STARD3: variants seen among roughly 807,000 people sequenced by gnomAD.
STARD3 encodes StAR related lipid transfer domain containing 3.
In STARD3, 39 loss-of-function variants were observed where a neutral mutation model predicts 62.0. The observed-to-expected ratio is 0.63, with a 90% CI of 0.49 to 0.82. The LOEUF is 0.82. Among genes scored for constraint, STARD3 ranks in the 40% least tolerant of loss-of-function variants. STARD3 has a pLI of 0.00. For missense variants in STARD3, 543 were observed against 584.5 expected, an observed-to-expected ratio of 0.93 and a Z score of 0.73; for synonymous variants, 229 against 242.4, an observed-to-expected ratio of 0.94 and a Z score of 0.51.
chr17:39,637,934 C>T (rs1392119997), intron 1 of STARD3, among the ~76,000 whole-genome samples: 2 of 152,200 alleles, frequency 1.3e-5, no homozygotes, highest in Non-Finnish European at 2.9e-5. Flanking sequence ...TACCCAGATC[C>T]ACATCTTCAG....
intron 3 of STARD3, 100 bp downstream of exon 3, chr17:39,657,185 T>G: frequency 8.4e-7 from 1 of 1,190,872 alleles, no homozygotes; most frequent in Non-Finnish European, 1.2e-6. Flanking sequence ...TCCAGTCTGA[T>G]CAGAGACTCG....
At chr17:39,655,927 C>T (rs1472926686) in intron 2 of STARD3, among the ~76,000 whole-genome samples, 3 of 148,390 alleles carry the variant, frequency 2.0e-5, no homozygotes, top group Non-Finnish European at 3.0e-5. Flanking sequence ...GCTCTGAGGC[C>T]TAGTGACTGA....
intron 1 of STARD3, among the ~76,000 whole-genome samples, chr17:39,647,513 G>T (rs568226560): frequency 2.6e-4 from 40 of 152,302 alleles, no homozygotes; most frequent in Non-Finnish European, 4.0e-4. Flanking sequence ...GCCTGCGCTA[G>T]CTGTGATGCC....
intron 13 of STARD3, chr17:39,661,463 G>T (rs1288082073): frequency 4.4e-6 from 1 of 229,024 alleles, no homozygotes; most frequent in South Asian, 7.3e-5. Flanking sequence ...AGGAGACTCG[G>T]GTCCCCTTTC....
intron 1 of STARD3, among the ~76,000 whole-genome samples, chr17:39,648,177 C>T (rs1340547132): frequency 2.6e-5 from 4 of 151,948 alleles, no homozygotes; most frequent in East Asian, 1.9e-4. Context: ...CCCAGCTACT[C>T]GGGAGGCTGA....
chr17:39,638,877 C>T (rs1412943238), intron 1 of STARD3, among the ~76,000 whole-genome samples: 2 of 152,164 alleles, frequency 1.3e-5, no homozygotes, highest in Non-Finnish European at 2.9e-5. Context: ...TGCAGTGGCT[C>T]ATGCATTAAT....
intron 1 of STARD3, among the ~76,000 whole-genome samples, chr17:39,647,233 C>T (rs908280246): frequency 6.6e-6 from 1 of 151,864 alleles, no homozygotes; most frequent in African/African-American, 2.4e-5. Flanking sequence ...TCCACTTTCC[C>T]CCCTACCTCC....
intron 1 of STARD3, among the ~76,000 whole-genome samples, chr17:39,640,053 A>G (rs1161061642): frequency 1.3e-5 from 2 of 152,222 alleles, no homozygotes; most frequent in African/African-American, 4.8e-5. Context: ...GATGGACCAG[A>G]ACAGGGTCCT....
rs1472915739 is a variant in STARD3, at chr17:39,662,906, T to G, written c.1336T>G (p.Ter446GlyextTer51). Residue 446 changes from the stop codon to glycine (G), a stop_lost, in exon 15 of 15, where the codon TGA (stop) becomes GGA (glycine). Transcript: ENST00000336308. ...CATCAGCGAGCTGGGGGCCCGGGCG[T>G]GACTGTGCCCCCTCCCACCCTGCGG... ...QRISELGARA[*>G] The G allele has an allele frequency of 6.2e-7, 1 of 1,610,422 alleles. No individual in the cohort carries two copies. Among genetic ancestry groups the G allele is most frequent in the South Asian group, 1.1e-5 (1 of 90,672 alleles).
intron 1 of STARD3, among the ~76,000 whole-genome samples, chr17:39,650,642 TA>T (rs35201559): frequency 6.6e-6 from 1 of 151,762 alleles, no homozygotes; most frequent in Non-Finnish European, 1.5e-5. Context: ...CCCTCGTCTC[TA>T]AAAAAAATAA....
chr17:39,658,295 A>G (rs759699209), intron 5 of STARD3, 110 bp from the exon 6 acceptor site: 5 of 1,036,494 alleles, frequency 4.8e-6, no homozygotes, highest in Non-Finnish European at 7.3e-6. Flanking sequence ...AGCAGCTGCT[A>G]CCAGGAATGG....
At position 39,663,370 on chromosome 17, in the gene STARD3, T is replaced by G. The variant is rs1597803344; in HGVS notation, c.*462T>G. On this transcript the variant is annotated 3_prime_UTR_variant, in exon 15 of 15. Transcript: ENST00000336308. ...TTGGGGAGTGGGTGGCAGGTGGGGG[T>G]GGGCTGCTGGCCATGAATCTCTGCC... 4 of 263,264 alleles carry G rather than the reference T, an allele frequency of 1.5e-5. No individual in the cohort carries two copies. Among genetic ancestry groups the G allele is most frequent in the East Asian group, 6.4e-5 (1 of 15,720 alleles). The allele number at this position is 263,264 out of a possible 1,614,324, so 16.3% of individuals were successfully genotyped here.
At chr17:39,650,387 C>G (rs148167397) in intron 1 of STARD3, among the ~76,000 whole-genome samples, 1 of 152,178 alleles carries the variant, frequency 6.6e-6, no homozygotes, top group Non-Finnish European at 1.5e-5. Flanking sequence ...GAGCACGGCC[C>G]TCCCAATACC....
intron 2 of STARD3, among the ~76,000 whole-genome samples, chr17:39,655,150 C>G (rs1398872567): frequency 6.6e-6 from 1 of 152,180 alleles, no homozygotes; most frequent in East Asian, 1.9e-4. Context: ...TGTTTCCTTA[C>G]CCAAAAAGAG....
chr17:39,650,765 G>T (rs1453252094), intron 1 of STARD3, among the ~76,000 whole-genome samples: 2 of 152,238 alleles, frequency 1.3e-5, no homozygotes, highest in African/African-American at 4.8e-5. Context: ...AGTGAGCCAT[G>T]ATCGTGCCAC....
intron 1 of STARD3, among the ~76,000 whole-genome samples, chr17:39,645,240 T>G (rs1400195222): frequency 1.3e-5 from 2 of 152,154 alleles, no homozygotes; most frequent in Non-Finnish European, 2.9e-5. Context: ...CTCTACTTCC[T>G]GCCCCTCCCC....
intron 1 of STARD3, chr17:39,651,606 C>T (rs1282786482): frequency 6.6e-6 from 1 of 152,384 alleles, no homozygotes; most frequent in Non-Finnish European, 1.5e-5. Flanking sequence ...CTCTGTCACC[C>T]AGGCTGGAGT....
chr17:39,649,865 C>CAAAAAAAAAAAAA (rs10713558), intron 1 of STARD3, among the ~76,000 whole-genome samples: 3 of 85,002 alleles, frequency 3.5e-5, no homozygotes, highest in Non-Finnish European at 6.8e-5. Context: ...GACTCCGTCT[C>CAAAAAAAAAAAAA]AAAAAAAAAA....
intron 1 of STARD3, among the ~76,000 whole-genome samples, chr17:39,650,545 C>T (rs905209755): frequency 6.6e-6 from 1 of 152,142 alleles, no homozygotes; most frequent in African/African-American, 2.4e-5. Context: ...CAGTGACTCA[C>T]GCCTGTAATC....
Sources: gnomAD v4.1 joint callset for allele counts (sites outside exome capture counted in the v4.1 genomes callset) on GRCh38, gnomAD v4.1.1 for gene constraint, MANE v1.5 for transcripts, NCBI Gene and HGNC (gene_info 2026-07-23, HGNC 2026-07-21) for gene names.